RMDN3: variants seen among roughly 807,000 people sequenced by gnomAD.
The protein encoded by RMDN3 is regulator of microtubule dynamics 3.
RMDN3 carries 41 observed loss-of-function variants against 61.8 expected under a neutral mutation model. The ratio of observed to expected loss-of-function variants is 0.66; its 90% CI spans 0.52 to 0.86. The LOEUF is 0.86. RMDN3 is among the 40% of genes least tolerant of loss of function. The pLI is 0.00. For synonymous variants in RMDN3, 247 were observed against 232.0 expected, an observed-to-expected ratio of 1.06 and a Z score of -0.59; for missense variants, 557 against 585.3, an observed-to-expected ratio of 0.95 and a Z score of 0.50.
At position 40,737,621 on chromosome 15, in the gene RMDN3, C is replaced by T. The variant is rs748505864; in HGVS notation, c.1224+7G>A. ...GTGTTTTTGCCTGCCACCTGCCCCTCTCATACCTTTAGGAAGCTCTGGAGG... is the reference window on the plus strand; with the variant it reads ...GTGTTTTTGCCTGCCACCTGCCCCTTTCATACCTTTAGGAAGCTCTGGAGG... On this transcript the variant is annotated splice_region_variant and intron_variant, in intron 10 of 12. Transcript: ENST00000338376. 1 of 1,612,798 alleles carries T rather than the reference C, an allele frequency of 6.2e-7. No individual in the cohort carries two copies. Among genetic ancestry groups the T allele is most frequent in the South Asian group, 1.1e-5 (1 of 91,042 alleles).
At position 40,736,491 on chromosome 15, in the gene RMDN3, C is replaced by A. The variant is rs766888053; in HGVS notation, c.*50G>T. On this transcript the variant is annotated 3_prime_UTR_variant, in exon 13 of 13. Coordinates refer to ENST00000338376, the MANE Select transcript of RMDN3 (RefSeq NM_018145.3). ...GGTCTAAGGAAAAAAGCCTCCCCGC[C>A]CCCCCACCTTAAATAGTGGCATCAA... 2.6e-6 allele frequency: 4 copies of A among 1,567,302 alleles called. No individual in the cohort carries two copies. The highest frequency in any genetic ancestry group is 2.2e-5 in the East Asian group (1 of 44,618).
At chr15:40,740,285 C>G in intron 6 of RMDN3, 92 bp from the exon 7 acceptor site, 4 of 829,636 alleles carry the variant, frequency 4.8e-6, no homozygotes, top group Non-Finnish European at 8.2e-6. Context: ...TTAGCTCTCA[C>G]CAATCCCTAC....
intron 4 of RMDN3, among the ~76,000 whole-genome samples, chr15:40,745,783 T>C (rs1288201141): frequency 3.3e-5 from 5 of 152,154 alleles, no homozygotes; most frequent in Non-Finnish European, 7.4e-5. Flanking sequence ...ATGTGAGAAG[T>C]CCCTGCTCGT....
rs71428308 is a variant in RMDN3, at chr15:40,754,127, C to CT, written c.187+469dup. On this transcript the variant is annotated intron_variant, in intron 2 of 12. Coordinates refer to ENST00000338376, the MANE Select transcript of RMDN3 (RefSeq NM_018145.3). ...GAAAGAGTAGAGAAAACCACGACTG[C>CT]TTTTTTTTTTTTTTTTTTTTTGAGA... Among the ~76,000 whole-genome samples, 1,126 of 123,764 alleles carry CT rather than the reference C, an allele frequency of 9.1e-3. 28 individuals carry two copies. Among genetic ancestry groups the CT allele is most frequent in the Middle Eastern group, 0.032 (7 of 218 alleles). The allele number at this position is 123,764 out of a possible 152,430, so 81.2% of individuals were successfully genotyped here. A position where few individuals can be genotyped will look rare whatever the true frequency, so the allele number is the denominator to read the frequency against.
intron 7 of RMDN3, among the ~76,000 whole-genome samples, chr15:40,739,866 ACT>A (rs546372522): frequency 4.6e-5 from 7 of 152,020 alleles, no homozygotes; most frequent in Non-Finnish European, 7.4e-5. Context: ...AGCTAGGATG[ACT>A]CTTAACAAAG....
intron 6 of RMDN3, among the ~76,000 whole-genome samples, chr15:40,741,620 A>AGTTTTTTTTTTT (rs1897282575): frequency 1.4e-5 from 1 of 71,724 alleles, no homozygotes; most frequent in Non-Finnish European, 2.5e-5. Flanking sequence ...GCAACATAGG[A>AGTTTTTTTTTTT]TTTTTTTTTT....
At chr15:40,744,886 T>A in intron 5 of RMDN3, 91 bp downstream of exon 5, 1 of 1,365,336 alleles carries the variant, frequency 7.3e-7, no homozygotes, top group Non-Finnish European at 9.8e-7. Context: ...GTAGGGGCAG[T>A]AACCACACGG....
chr15:40,745,254 G>A lies in RMDN3; in HGVS notation c.530C>T (p.Thr177Ile). ...ATTGTCAGACTCCGCATTGGCTGTT[G>A]TGTAACTGGCAGAGAAATGTAAGGG... ...FTDAESEGGY[T>I]TANAESDNER... Residue 177 changes from threonine to isoleucine, a missense_variant, in exon 5 of 13, where the codon ACA becomes ATA. By Grantham distance (89) the Thr-to-Ile change is moderately conservative (BLOSUM62 -1). Coordinates refer to ENST00000338376, the MANE Select transcript of RMDN3 (RefSeq NM_018145.3). The A allele has an allele frequency of 6.2e-7, 1 of 1,613,460 alleles. No homozygotes were observed. Among genetic ancestry groups the A allele is most frequent in the Non-Finnish European group, 8.5e-7 (1 of 1,179,860 alleles).
chr15:40,741,095 C>T (rs958790045), intron 6 of RMDN3, among the ~76,000 whole-genome samples: 1 of 151,984 alleles, frequency 6.6e-6, no homozygotes, highest in African/African-American at 2.4e-5. Context: ...ACAACAACAA[C>T]GGATCCAACA....
Position 40,745,202 on chromosome 15 carries a change from C to T in RMDN3, c.582G>A (p.Glu194=), listed in dbSNP as rs752732958. ...DNERDSDKES[E]DGEDEVSCET... ...CACAGCTCACTTCATCTTCCCCGTC[C>T]TCACTTTCTTTGTCAGAGTCCCGCT... The change falls in exon 5 of 13, where the codon GAG becomes GAA. Residue 194 remains glutamate, a synonymous_variant. Coordinates refer to ENST00000338376, the MANE Select transcript of RMDN3 (RefSeq NM_018145.3). 1.9e-6 allele frequency: 3 copies of T among 1,614,006 alleles called. No individual in the cohort carries two copies. Among genetic ancestry groups the T allele is most frequent in the Non-Finnish European group, 2.5e-6 (3 of 1,180,040 alleles).
At chr15:40,749,349 AC>A (rs1174130027) in intron 4 of RMDN3, among the ~76,000 whole-genome samples, 2 of 152,218 alleles carry the variant, frequency 1.3e-5, no homozygotes, top group Non-Finnish European at 2.9e-5. Context: ...CCCCATCTGT[AC>A]AAAAAAAATA....
chr15:40,748,336 C>T (rs1174441272), intron 4 of RMDN3, among the ~76,000 whole-genome samples: 1 of 152,238 alleles, frequency 6.6e-6, no homozygotes, highest in African/African-American at 2.4e-5. Context: ...GAATCATTCA[C>T]CACGGCCACT....
intron 7 of RMDN3, 187 bp from the exon 8 acceptor site, chr15:40,738,763 T>G (rs988238463): frequency 1.1e-5 from 7 of 612,868 alleles, no homozygotes; most frequent in African/African-American, 9.2e-5. Flanking sequence ...TTAGTATTCT[T>G]TAGTAGATAA....
At position 40,738,585 on chromosome 15, in the gene RMDN3, G is replaced by T; in HGVS notation, c.972-9C>A. On this transcript the variant is annotated splice_polypyrimidine_tract_variant and intron_variant, in intron 7 of 12. Transcript: ENST00000338376. ...CACAAAGCACCGCATACCTAGGGGG[G>T]AAGCAGCAAGCTCAGGGACAAGGGC... The T allele has an allele frequency of 6.2e-7, 1 of 1,614,008 alleles. No homozygotes were observed. The highest frequency in any genetic ancestry group is 8.5e-7 in the Non-Finnish European group (1 of 1,179,944).
intron 7 of RMDN3, chr15:40,739,479 C>T (rs1320978546): frequency 6.6e-6 from 1 of 152,274 alleles, no homozygotes; most frequent in Non-Finnish European, 1.5e-5. Flanking sequence ...TGGAGAAACA[C>T]AGCCTCTCAC....
Position 40,752,154 on chromosome 15 carries a change from C to G in RMDN3, c.212G>C (p.Gly71Ala). 5 of 1,614,118 alleles carry G rather than the reference C, an allele frequency of 3.1e-6. No individual in the cohort carries two copies. Among genetic ancestry groups the G allele is most frequent in the Non-Finnish European group, 4.2e-6 (5 of 1,179,996 alleles). The change falls in exon 3 of 13, where the codon GGT becomes GCT. Residue 71 changes from glycine (G) to alanine (A), a missense_variant. Gly to Ala is a moderately conservative substitution (Grantham distance 60). Transcript: ENST00000338376. Reference sequence around the variant, plus strand: ...CAGCACTGAGGCATCTCCAGCCCCACCTGGGACAGCCCGCAGGAGCATCAC... The same window carrying G: ...CAGCACTGAGGCATCTCCAGCCCCAGCTGGGACAGCCCGCAGGAGCATCAC... ...RHVMLLRAVP[G>A]GAGDASVLPS...
At chr15:40,738,436 A>G (rs1280284974) in intron 8 of RMDN3, 65 bp downstream of exon 8, 28 of 1,532,364 alleles carry the variant, frequency 1.8e-5, no homozygotes, top group Non-Finnish European at 2.4e-5. Context: ...TTTGGCAGGG[A>G]GCTGGAAAGG....
chr15:40,746,217 G>A (rs1897541559), intron 4 of RMDN3, among the ~76,000 whole-genome samples: 1 of 152,152 alleles, frequency 6.6e-6, no homozygotes, highest in African/African-American at 2.4e-5. Context: ...ACTTCTGGGG[G>A]TCAGAAGCAA....
intron 4 of RMDN3, among the ~76,000 whole-genome samples, chr15:40,749,508 C>T (rs1226647451): frequency 6.6e-6 from 1 of 152,184 alleles, no homozygotes; most frequent in Non-Finnish European, 1.5e-5. Context: ...GAGTGAGACC[C>T]TGTCTCAAAA....
Sources: allele counts gnomAD v4.1 joint callset (sites outside exome capture counted in the v4.1 genomes callset), GRCh38; gene constraint gnomAD v4.1.1; transcripts MANE v1.5; gene names NCBI Gene and HGNC (gene_info 2026-07-23, HGNC 2026-07-21).